PTPRD: variants seen among roughly 807,000 people sequenced by gnomAD.
PTPRD encodes receptor-type tyrosine-protein phosphatase delta.
PTPRD carries 34 observed loss-of-function variants against 214.5 expected under a neutral mutation model. That is an observed-to-expected ratio of 0.16 (90% CI 0.12 to 0.21). PTPRD has a LOEUF of 0.21. Ranked by LOEUF, PTPRD falls within the 10% of genes least tolerant of loss-of-function variation. PTPRD has a pLI of 1.00. For synonymous variants in PTPRD, 1,128 were observed against 845.7 expected, an observed-to-expected ratio of 1.33 and a Z score of -5.79; for missense variants, 2,545 against 2,398.7, an observed-to-expected ratio of 1.06 and a Z score of -1.27.
intron 2 of PTPRD, among the ~76,000 whole-genome samples, chr9:10,460,337 T>A (rs993079298): frequency 1.3e-5 from 2 of 151,466 alleles, no homozygotes; most frequent in South Asian, 4.2e-4. Context: ...GCAGTCCCTA[T>A]CAAAATCCCA....
chr9:8,749,762 A>G (rs1210623662), intron 11 of PTPRD, among the ~76,000 whole-genome samples: 1 of 152,176 alleles, frequency 6.6e-6, no homozygotes, highest in Non-Finnish European at 1.5e-5. Context: ...ATTTCTGAAT[A>G]CCAGGCAAGG....
At chr9:9,294,627 C>G (rs1024584165) in intron 9 of PTPRD, among the ~76,000 whole-genome samples, 1 of 151,580 alleles carries the variant, frequency 6.6e-6, no homozygotes, top group Non-Finnish European at 1.5e-5. Context: ...AAGAAGAGGT[C>G]AACGTTAACT....
intron 9 of PTPRD, among the ~76,000 whole-genome samples, chr9:9,299,494 T>C (rs1954429177): frequency 6.6e-6 from 1 of 151,760 alleles, no homozygotes; most frequent in African/African-American, 2.4e-5. Flanking sequence ...ATTTCTAGTA[T>C]GAAGTTCTTA....
intron 5 of PTPRD, among the ~76,000 whole-genome samples, chr9:9,886,284 T>C (rs1180372017): frequency 6.6e-6 from 1 of 152,114 alleles, no homozygotes; most frequent in African/African-American, 2.4e-5. Context: ...TATGTTTGAA[T>C]TGGAATCTCT....
intron 2 of PTPRD, among the ~76,000 whole-genome samples, chr9:10,436,034 G>A (rs991291369): frequency 2.6e-5 from 4 of 151,692 alleles, no homozygotes; most frequent in African/African-American, 7.3e-5. Context: ...TGATTAAAGC[G>A]GTATAACACA....
At chr9:8,382,756 C>T (rs1471910499) in intron 37 of PTPRD, among the ~76,000 whole-genome samples, 1 of 152,148 alleles carries the variant, frequency 6.6e-6, no homozygotes, top group Non-Finnish European at 1.5e-5. Context: ...AAAAACAATC[C>T]CATACATCAT....
chr9:10,535,975 A>G (rs1418965913), intron 2 of PTPRD, among the ~76,000 whole-genome samples: 1 of 152,266 alleles, frequency 6.6e-6, no homozygotes, highest in Non-Finnish European at 1.5e-5. Flanking sequence ...AAATCAAAGG[A>G]AAGTATTTGG....
chr9:9,346,900 C>T (rs1049445924), intron 9 of PTPRD, among the ~76,000 whole-genome samples: 3 of 152,020 alleles, frequency 2.0e-5, no homozygotes, highest in Non-Finnish European at 4.4e-5. Flanking sequence ...ACCATGTTGG[C>T]CAGGCTGGTC....
intron 11 of PTPRD, among the ~76,000 whole-genome samples, chr9:8,928,101 T>A (rs9696509): frequency 0.63 from 95,806 of 152,038 alleles, 30,626 homozygotes; most frequent in East Asian, 0.91. Context: ...TCTGGATATT[T>A]GCCCTTTGTC....
chr9:9,567,486 T>A (rs1236476770), intron 8 of PTPRD, among the ~76,000 whole-genome samples: 2 of 152,004 alleles, frequency 1.3e-5, no homozygotes, highest in African/African-American at 4.8e-5. Context: ...CAATAACAAT[T>A]GCCTACTTCC....
chr9:9,671,773 A>G (rs1260040136), intron 7 of PTPRD, among the ~76,000 whole-genome samples: 1 of 152,168 alleles, frequency 6.6e-6, no homozygotes, highest in African/African-American at 2.4e-5. Context: ...ACCTCCCGCC[A>G]TGATTCTAAG....
At chr9:9,877,685 A>G (rs2067281267) in intron 5 of PTPRD, among the ~76,000 whole-genome samples, 1 of 152,132 alleles carries the variant, frequency 6.6e-6, no homozygotes, top group African/African-American at 2.4e-5. Flanking sequence ...ACTCTTGAAG[A>G]AATGCTGGGC....
chr9:9,370,965 C>T (rs923903944), intron 9 of PTPRD, among the ~76,000 whole-genome samples: 1 of 152,146 alleles, frequency 6.6e-6, no homozygotes, highest in African/African-American at 2.4e-5. Flanking sequence ...ATGAAGCCCA[C>T]TTGATCATGG....
At chr9:9,391,345 T>C (rs988454937) in intron 9 of PTPRD, among the ~76,000 whole-genome samples, 1 of 152,154 alleles carries the variant, frequency 6.6e-6, no homozygotes, top group Admixed American at 6.5e-5. Context: ...AAATGACTAA[T>C]GTGATTATCA....
At chr9:8,334,681 AGAACACTACAGAACT>A (rs202189109) in intron 43 of PTPRD, among the ~76,000 whole-genome samples, 3,533 of 102,128 alleles carry the variant, frequency 0.035, no homozygotes, top group South Asian at 0.11. Flanking sequence ...GAAATAACTA[AGAACACTACAGAACT>A]GAAGGAGATA....
chr9:8,958,338 C>A (rs564315120), intron 11 of PTPRD, among the ~76,000 whole-genome samples: 1 of 152,032 alleles, frequency 6.6e-6, no homozygotes, highest in South Asian at 2.1e-4. Flanking sequence ...TTCTACTTTC[C>A]TCCTAGAATG....
At chr9:9,581,394 C>T (rs1430811316) in intron 7 of PTPRD, among the ~76,000 whole-genome samples, 1 of 152,028 alleles carries the variant, frequency 6.6e-6, no homozygotes, top group Non-Finnish European at 1.5e-5. Flanking sequence ...ACCAGATAAC[C>T]TTCTATCCAT....
intron 3 of PTPRD, among the ~76,000 whole-genome samples, chr9:10,224,797 G>C (rs780416377): frequency 5.3e-5 from 8 of 151,860 alleles, no homozygotes; most frequent in Non-Finnish European, 1.0e-4. Flanking sequence ...AACACAATGA[G>C]GATGAAGACC....
chr9:10,145,198 T>C (rs1179927022), intron 3 of PTPRD, among the ~76,000 whole-genome samples: 1 of 152,148 alleles, frequency 6.6e-6, no homozygotes, highest in Non-Finnish European at 1.5e-5. Context: ...TAAAAATTCA[T>C]TTAGGACCAC....
Sources: allele counts gnomAD v4.1 joint callset (sites outside exome capture counted in the v4.1 genomes callset), GRCh38; gene constraint gnomAD v4.1.1; transcripts MANE v1.5; gene names NCBI Gene and HGNC (gene_info 2026-07-23, HGNC 2026-07-21).